EPHA6: variants seen among roughly 807,000 people sequenced by gnomAD.
The protein encoded by EPHA6 is EPH receptor A6.
EPHA6 carries 50 observed loss-of-function variants against 112.0 expected under a neutral mutation model. The observed-to-expected ratio is 0.45, with a 90% CI of 0.36 to 0.56. The LOEUF (loss-of-function observed/expected upper bound fraction) is 0.56. Among genes scored for constraint, EPHA6 ranks in the 20% least tolerant of loss-of-function variants. The pLI is 0.00. For synonymous variants in EPHA6, 529 were observed against 490.7 expected (o/e 1.08, Z -1.03); for missense variants, 1,280 against 1,417.4 (o/e 0.90, Z 1.56).
intron 11 of EPHA6, among the ~76,000 whole-genome samples, chr3:97,546,496 C>G (rs2092951350): frequency 6.6e-6 from 1 of 152,164 alleles, no homozygotes; most frequent in Non-Finnish European, 1.5e-5. Context: ...CTGCCCTTAA[C>G]ATTTTTTCCT....
chr3:97,009,421 G>A (rs1428875217), intron 3 of EPHA6, among the ~76,000 whole-genome samples: 1 of 152,196 alleles, frequency 6.6e-6, no homozygotes, highest in Non-Finnish European at 1.5e-5. Context: ...TTTGGGCTGT[G>A]GGGACAAGTC....
chr3:97,568,102 A>G (rs1241674077), intron 11 of EPHA6, among the ~76,000 whole-genome samples: 2 of 152,176 alleles, frequency 1.3e-5, no homozygotes, highest in Non-Finnish European at 2.9e-5. Context: ...GACTTGCTGT[A>G]AGCCTGGGCC....
intron 11 of EPHA6, among the ~76,000 whole-genome samples, chr3:97,542,013 G>A (rs1456919782): frequency 6.6e-6 from 1 of 151,690 alleles, no homozygotes; most frequent in Non-Finnish European, 1.5e-5. Context: ...GGAGTCCGAT[G>A]TTCGAGGGCA....
intron 5 of EPHA6, among the ~76,000 whole-genome samples, chr3:97,318,386 T>C (rs915135921): frequency 1.3e-5 from 2 of 152,018 alleles, no homozygotes; most frequent in Non-Finnish European, 2.9e-5. Context: ...GTTGTTCTAG[T>C]TGGAACTTAG....
chr3:97,386,782 G>A (rs539392606), intron 5 of EPHA6, among the ~76,000 whole-genome samples: 1 of 152,340 alleles, frequency 6.6e-6, no homozygotes, highest in African/African-American at 2.4e-5. Flanking sequence ...CCATAGTAGA[G>A]GTTCTCCATG....
chr3:97,139,584 A>G (rs1448137943), intron 3 of EPHA6, among the ~76,000 whole-genome samples: 4 of 152,198 alleles, frequency 2.6e-5, no homozygotes, highest in African/African-American at 7.2e-5. Flanking sequence ...TGTATAACCA[A>G]GGAATTCATA....
intron 2 of EPHA6, among the ~76,000 whole-genome samples, chr3:96,956,542 G>T (rs1225944368): frequency 6.6e-6 from 1 of 152,152 alleles, no homozygotes; most frequent in Non-Finnish European, 1.5e-5. Context: ...GACGATATGT[G>T]AAGTGAACAG....
intron 3 of EPHA6, among the ~76,000 whole-genome samples, chr3:97,146,908 G>A (rs1456124271): frequency 6.6e-6 from 1 of 150,728 alleles, no homozygotes; most frequent in South Asian, 2.1e-4. Context: ...GTGGAGTGAT[G>A]TAAATTGCTC....
At position 97,473,685 on chromosome 3, in the gene EPHA6, C is replaced by A. The variant is rs940970898; in HGVS notation, c.1895-1667C>A. On this transcript the variant is annotated intron_variant, in intron 7 of 17. Transcript: ENST00000389672. Reference sequence around the variant, plus strand: ...TGCTTTCTAGAACAACTATTTCTTACATTTTTGTTATTCAATAACTTTCAG... The same window carrying A: ...TGCTTTCTAGAACAACTATTTCTTAAATTTTTGTTATTCAATAACTTTCAG... 3.9e-5 allele frequency among the ~76,000 whole-genome samples: 6 copies of A among 151,934 alleles called. No individual in the cohort carries two copies. The South Asian group carries it at 1.2e-3, about 31-fold the overall frequency.
rs142402684 is a variant in EPHA6, at chr3:97,304,654, C to T, written c.1606+60367C>T. Among the ~76,000 whole-genome samples, 566 of 152,152 alleles carry T rather than the reference C, an allele frequency of 3.7e-3. 1 individual carries two copies. The highest frequency in any genetic ancestry group is 0.013 in the African/African-American group (522 of 41,532). ...AAACAAGCAATGGGAAAAGGATTCC[C>T]TATTTAATAAATAGTGCTGGGAAAA... On this transcript the variant is annotated intron_variant, in intron 5 of 17. Transcript: ENST00000389672.
intron 17 of EPHA6, 30 bp downstream of exon 17, chr3:97,747,602 G>A (rs371771058): frequency 3.4e-5 from 53 of 1,547,874 alleles, no homozygotes; most frequent in African/African-American, 2.2e-4. Context: ...TTACTGTAAC[G>A]AGATGTCCTG....
intron 7 of EPHA6, among the ~76,000 whole-genome samples, chr3:97,467,024 C>T (rs557963779): frequency 6.6e-6 from 1 of 151,752 alleles, no homozygotes; most frequent in African/African-American, 2.4e-5. Context: ...ACCACCCTCC[C>T]CCTCTTGTCC....
intron 11 of EPHA6, among the ~76,000 whole-genome samples, chr3:97,550,475 A>G (rs1170503246): frequency 6.6e-6 from 1 of 152,174 alleles, no homozygotes; most frequent in African/African-American, 2.4e-5. Context: ...TCCAAACACC[A>G]AATCTTTAAC....
chr3:97,711,244 C>T (rs1015869082), intron 14 of EPHA6, among the ~76,000 whole-genome samples: 1 of 152,082 alleles, frequency 6.6e-6, no homozygotes, highest in African/African-American at 2.4e-5. Flanking sequence ...TAACTTGCTC[C>T]TCCTTGCCTT....
At position 96,824,030 on chromosome 3, in the gene EPHA6, T is replaced by C. The variant is rs574098509; in HGVS notation, c.385+9022T>C. Among the ~76,000 whole-genome samples, 13 of 151,968 alleles carry C rather than the reference T, an allele frequency of 8.6e-5. No individual in the cohort carries two copies. In the South Asian group the frequency reaches 2.5e-3, roughly 29 times the overall value. ...GATAACTTATTGTCTTACTGTGTTATGGTATAATAACTTCATTTTATAGGT... is the reference window on the plus strand; with the variant it reads ...GATAACTTATTGTCTTACTGTGTTACGGTATAATAACTTCATTTTATAGGT... On this transcript the variant is annotated intron_variant, in intron 1 of 17. Coordinates refer to ENST00000389672, the MANE Select transcript of EPHA6 (RefSeq NM_001080448.3).
intron 1 of EPHA6, among the ~76,000 whole-genome samples, chr3:96,844,854 T>C (rs1207874674): frequency 1.3e-5 from 2 of 151,920 alleles, no homozygotes; most frequent in Non-Finnish European, 2.9e-5. Flanking sequence ...ACCAGGATGA[T>C]CCCAGCAGGC....
chr3:97,132,930 G>A (rs368542902), intron 3 of EPHA6, among the ~76,000 whole-genome samples: 228 of 152,076 alleles, frequency 1.5e-3, no homozygotes, highest in African/African-American at 5.1e-3. Flanking sequence ...TGCCTTTGAG[G>A]ATATTGAACT....
intron 5 of EPHA6, among the ~76,000 whole-genome samples, chr3:97,328,273 GT>G (rs1282128806): frequency 6.6e-6 from 1 of 151,728 alleles, no homozygotes; most frequent in South Asian, 2.1e-4. Flanking sequence ...ATAAGAAACT[GT>G]GAAACTAATT....
At chr3:97,327,390 A>G (rs1424623166) in intron 5 of EPHA6, among the ~76,000 whole-genome samples, 1 of 151,996 alleles carries the variant, frequency 6.6e-6, no homozygotes, top group Non-Finnish European at 1.5e-5. Flanking sequence ...ATCTTGCAAA[A>G]CTGTAGTGAA....
Sources: allele counts gnomAD v4.1 joint callset (sites outside exome capture counted in the v4.1 genomes callset), GRCh38; gene constraint gnomAD v4.1.1; transcripts MANE v1.5; gene names NCBI Gene and HGNC (gene_info 2026-07-23, HGNC 2026-07-21).